The following KIAA1217 variants were observed in gnomAD, a reference collection of about 807,000 sequenced individuals.
The protein encoded by KIAA1217 is KIAA1217.
KIAA1217 carries 88 observed loss-of-function variants against 163.9 expected under a neutral mutation model. That is an observed-to-expected ratio of 0.54 (90% CI 0.45 to 0.64). The LOEUF (loss-of-function observed/expected upper bound fraction) is 0.64, where lower values mean the gene tolerates loss of function less well. Among genes scored for constraint, KIAA1217 ranks in the 30% least tolerant of loss-of-function variants. The probability of loss-of-function intolerance (pLI) is 0.00; values close to 1 mark genes in which losing one functional copy is unlikely to be tolerated. For synonymous variants in KIAA1217, 903 were observed against 923.1 expected (o/e 0.98, Z 0.39); for missense variants, 2,372 against 2,475.0 (o/e 0.96, Z 0.88).
intron 6 of KIAA1217, among the ~76,000 whole-genome samples, chr10:24,480,254 G>T (rs2064508853): frequency 6.6e-6 from 1 of 152,192 alleles, no homozygotes; most frequent in South Asian, 2.1e-4. Context: ...AGAAATGAAA[G>T]AATACCCCAT....
intron 1 of KIAA1217, among the ~76,000 whole-genome samples, chr10:23,730,526 A>C (rs900332304): frequency 1.3e-5 from 2 of 152,204 alleles, no homozygotes; most frequent in African/African-American, 4.8e-5. Context: ...TCATATCTAC[A>C]AAATAATTTG....
rs573328869 is a variant in KIAA1217, at chr10:23,777,257, A to G, written c.-321+82023A>G. 4.6e-5 allele frequency among the ~76,000 whole-genome samples: 7 copies of G among 152,354 alleles called. No homozygotes were observed. In the South Asian group the frequency reaches 1.4e-3, roughly 32 times the overall value. ...GTAGGATTACAGCGTTTTCTATACA[A>G]GCCTGGTTTATGTGTTACAACAATT... On this transcript the variant is annotated intron_variant, in intron 1 of 18. Transcript: ENST00000376462.
intron 2 of KIAA1217, among the ~76,000 whole-genome samples, chr10:24,138,576 A>G (rs2063925769): frequency 6.6e-6 from 1 of 150,396 alleles, no homozygotes; most frequent in African/African-American, 2.4e-5. Flanking sequence ...TTTTCTATAA[A>G]ATGGATATTA....
At chr10:24,454,926 A>AAATTTGTTGCAGATTTTACTGTATATAT (rs566900714) in intron 5 of KIAA1217, among the ~76,000 whole-genome samples, 468 of 152,144 alleles carry the variant, frequency 3.1e-3, no homozygotes, top group African/African-American at 0.01. Context: ...CAGGGTTCAG[A>AAATTTGTTGCAGATTTTACTGTATATAT]TCTTAATGCT....
chr10:24,506,285 T>A (rs535035278), intron 9 of KIAA1217, among the ~76,000 whole-genome samples: 1 of 152,360 alleles, frequency 6.6e-6, no homozygotes, highest in East Asian at 1.9e-4. Context: ...ATGTCACTGC[T>A]AGACAGCAAA....
intron 1 of KIAA1217, among the ~76,000 whole-genome samples, chr10:23,736,202 G>A (rs1838790135): frequency 6.6e-6 from 1 of 152,202 alleles, no homozygotes; most frequent in Admixed American, 6.5e-5. Context: ...AGACTGTAAT[G>A]ACATTCTCCT....
At chr10:24,392,845 C>A (rs1259328317) in intron 3 of KIAA1217, among the ~76,000 whole-genome samples, 1 of 152,156 alleles carries the variant, frequency 6.6e-6, no homozygotes, top group Non-Finnish European at 1.5e-5. Flanking sequence ...TGTTTATCAG[C>A]CTCTTTTGTT....
At chr10:23,826,938 G>A (rs1016145029) in intron 1 of KIAA1217, among the ~76,000 whole-genome samples, 3 of 152,048 alleles carry the variant, frequency 2.0e-5, no homozygotes, top group African/African-American at 7.2e-5. Flanking sequence ...AAATTTTACT[G>A]CCCTTTTATG....
intron 1 of KIAA1217, among the ~76,000 whole-genome samples, chr10:23,774,948 C>T (rs1231629013): frequency 6.6e-6 from 1 of 152,014 alleles, no homozygotes; most frequent in South Asian, 2.1e-4. Flanking sequence ...TTGCCTATAC[C>T]CCATGAATGG....
intron 1 of KIAA1217, among the ~76,000 whole-genome samples, chr10:23,859,019 A>C (rs1839836426): frequency 6.6e-6 from 1 of 152,254 alleles, no homozygotes. Flanking sequence ...ATTCTAAGCC[A>C]GTGGAGCACA....
chr10:24,541,062 C>T (rs1325912962), intron 17 of KIAA1217, among the ~76,000 whole-genome samples: 1 of 151,888 alleles, frequency 6.6e-6, no homozygotes, highest in Non-Finnish European at 1.5e-5. Context: ...AGCCACTACA[C>T]ATAGCCTATT....
intron 5 of KIAA1217, among the ~76,000 whole-genome samples, chr10:24,441,540 G>T (rs1276813464): frequency 6.6e-6 from 1 of 152,170 alleles, no homozygotes; most frequent in African/African-American, 2.4e-5. Context: ...TGCGTGGAAT[G>T]CATGCTTGGT....
At chr10:24,431,826 G>A (rs909481336) in intron 3 of KIAA1217, among the ~76,000 whole-genome samples, 3 of 152,254 alleles carry the variant, frequency 2.0e-5, no homozygotes, top group African/African-American at 7.2e-5. Flanking sequence ...GTGCACTGGG[G>A]CCCACATACC....
chr10:23,765,402 T>C (rs112740921), intron 1 of KIAA1217, among the ~76,000 whole-genome samples: 4,600 of 152,010 alleles, frequency 0.03, 252 homozygotes, highest in African/African-American at 0.11. Flanking sequence ...CTCAATCTCC[T>C]GACCTCGTGA....
intron 1 of KIAA1217, among the ~76,000 whole-genome samples, chr10:23,835,760 T>G (rs551516425): frequency 6.6e-6 from 1 of 152,298 alleles, no homozygotes; most frequent in South Asian, 2.1e-4. Context: ...CTATCCCATT[T>G]CACATATAGC....
At chr10:24,009,210 G>C (rs1847140607) in intron 2 of KIAA1217, among the ~76,000 whole-genome samples, 1 of 152,066 alleles carries the variant, frequency 6.6e-6, no homozygotes. Context: ...CATCTTTTTT[G>C]GGTATAGAAT....
intron 3 of KIAA1217, among the ~76,000 whole-genome samples, chr10:24,425,413 GA>G (rs1337802761): frequency 2.0e-5 from 3 of 152,134 alleles, no homozygotes; most frequent in Non-Finnish European, 4.4e-5. Flanking sequence ...TGTTCTTAAA[GA>G]GGCCACTCAA....
At chr10:23,950,114 AC>A (rs1392407190) in intron 1 of KIAA1217, among the ~76,000 whole-genome samples, 1 of 151,918 alleles carries the variant, frequency 6.6e-6, no homozygotes, top group African/African-American at 2.4e-5. Context: ...TAATCCCACA[AC>A]CCTGAATGAC....
chr10:24,526,365 A>C (rs1030912420), intron 13 of KIAA1217, among the ~76,000 whole-genome samples: 6 of 152,166 alleles, frequency 3.9e-5, no homozygotes, highest in African/African-American at 1.4e-4. Context: ...TGATTGACAG[A>C]GTGTGATTCT....
Sources: allele counts gnomAD v4.1 joint callset (sites outside exome capture counted in the v4.1 genomes callset), GRCh38; gene constraint gnomAD v4.1.1; transcripts MANE v1.5; gene names NCBI Gene and HGNC (gene_info 2026-07-23, HGNC 2026-07-21).